DNAH17: variants seen among roughly 807,000 people sequenced by gnomAD.
DNAH17 encodes dynein axonemal heavy chain 17.
Under a neutral mutation model 485.6 loss-of-function variants are expected in DNAH17, and 376 were observed. That is an observed-to-expected ratio of 0.77 (90% CI 0.71 to 0.84). The LOEUF (loss-of-function observed/expected upper bound fraction) is 0.84, where lower values mean the gene tolerates loss of function less well. DNAH17 is among the 40% of genes least tolerant of loss of function. The pLI, the probability that DNAH17 is intolerant of heterozygous loss-of-function variation, is 0.00. For missense variants in DNAH17, 6,370 were observed against 5,839.3 expected (o/e 1.09, Z -2.96); for synonymous variants, 3,031 against 2,405.9 (o/e 1.26, Z -7.60).
intron 80 of DNAH17, 133 bp from the exon 81 acceptor site, chr17:78,424,286 T>G (rs1275338734): frequency 4.2e-6 from 5 of 1,195,710 alleles, no homozygotes; most frequent in Non-Finnish European, 5.7e-6. Flanking sequence ...TCAGGCCAGC[T>G]GCCACGGCTG....
chr17:78,439,458 G>A (rs1025696112), intron 72 of DNAH17, among the ~76,000 whole-genome samples: 1 of 152,046 alleles, frequency 6.6e-6, no homozygotes, highest in Non-Finnish European at 1.5e-5. Context: ...TGGCCCAAGA[G>A]GTGGTCCCCA....
chr17:78,529,270 C>T (rs149527201), intron 22 of DNAH17, among the ~76,000 whole-genome samples: 1 of 152,194 alleles, frequency 6.6e-6, no homozygotes, highest in African/African-American at 2.4e-5. Context: ...GAGCACTGGC[C>T]TCACCGTGGA....
chr17:78,506,524 G>C (rs368477707), intron 30 of DNAH17, among the ~76,000 whole-genome samples, 196 bp downstream of exon 30: 4 of 152,202 alleles, frequency 2.6e-5, no homozygotes, highest in African/African-American at 9.7e-5. Flanking sequence ...TGCAGAGCAG[G>C]ATGTGAGGCG....
chr17:78,475,480 C>A lies in DNAH17; in HGVS notation c.8320-11G>T, dbSNP rs369785584. The stretch of plus-strand genomic sequence containing the variant: ...GTCCTCAAACAGCACCTGCAGAAAC[C>A]GGAGAGATCCCACAACATCTTGTAG... On this transcript the variant is annotated splice_polypyrimidine_tract_variant and intron_variant, in intron 53 of 80. Coordinates refer to ENST00000389840, the MANE Select transcript of DNAH17 (RefSeq NM_173628.4). The A allele has an allele frequency of 6.2e-7, 1 of 1,613,450 alleles. No homozygotes were observed. Among genetic ancestry groups the A allele is most frequent in the Non-Finnish European group, 8.5e-7 (1 of 1,179,852 alleles).
At chr17:78,576,300 G>A (rs1045889366) in intron 1 of DNAH17, among the ~76,000 whole-genome samples, 5 of 151,938 alleles carry the variant, frequency 3.3e-5, no homozygotes, top group Admixed American at 3.3e-4. Context: ...ATGATGGGAA[G>A]CAGTAGTGGA....
chr17:78,519,664 C>G (rs1044269370), intron 25 of DNAH17, among the ~76,000 whole-genome samples: 1 of 152,210 alleles, frequency 6.6e-6, no homozygotes, highest in African/African-American at 2.4e-5. Flanking sequence ...CAACTTTATG[C>G]TTGCTTGAAT....
intron 42 of DNAH17, among the ~76,000 whole-genome samples, 186 bp downstream of exon 42, chr17:78,492,447 C>G (rs536765643): frequency 1.3e-5 from 2 of 152,172 alleles, no homozygotes; most frequent in Non-Finnish European, 2.9e-5. Flanking sequence ...TCCCCCAGCC[C>G]GGGTGCTACG....
chr17:78,425,276 A>C, intron 80 of DNAH17, 70 bp downstream of exon 80: 1 of 1,431,900 alleles, frequency 7.0e-7, no homozygotes, highest in Non-Finnish European at 9.6e-7. Context: ...GCCAAGAGCT[A>C]GTTTTATCTT....
intron 9 of DNAH17, 85 bp from the exon 10 acceptor site, chr17:78,567,251 G>A: frequency 6.8e-7 from 1 of 1,462,558 alleles, no homozygotes; most frequent in Middle Eastern, 1.7e-4. Flanking sequence ...ACCCCAGGCA[G>A]GAGGAGCTGG....
intron 38 of DNAH17, 136 bp downstream of exon 38, chr17:78,495,739 T>C (rs1416674805): frequency 1.9e-6 from 2 of 1,076,446 alleles, no homozygotes; most frequent in Non-Finnish European, 2.6e-6. Flanking sequence ...TGCCCGGCCA[T>C]CTTGGGAGCT....
intron 52 of DNAH17, among the ~76,000 whole-genome samples, chr17:78,476,220 CGG>C (rs2089009736): frequency 2.3e-5 from 3 of 129,214 alleles, no homozygotes; most frequent in Admixed American, 7.7e-5. Flanking sequence ...AGCCACGTGC[CGG>C]AGTTATCGCG....
chr17:78,490,746 G>A lies in DNAH17; in HGVS notation c.6771C>T (p.Ser2257=), dbSNP rs374334219. ...HLRTATPATV[S]RAGILYINPA... is the part of the protein sequence containing the mutation. The stretch of plus-strand genomic sequence containing the variant: ...GGTTGATGTAGAGGATGCCGGCTCT[G>A]GAAACGGTGGCTGGGGTGGCCGTCC... Residue 2257 remains serine, a synonymous_variant, in exon 44 of 81, where the codon TCC becomes TCT. Transcript: ENST00000389840. The A allele has an allele frequency of 8.1e-6, 13 of 1,606,988 alleles. No homozygotes were observed. The African/African-American group carries it at 1.2e-4, about 15-fold the overall frequency.
chr17:78,569,123 G>T (rs2092312838), intron 9 of DNAH17, 43 bp downstream of exon 9: 1 of 1,482,634 alleles, frequency 6.7e-7, no homozygotes, highest in Non-Finnish European at 9.3e-7. Flanking sequence ...GGTAGGAGCA[G>T]TCTGGGAAGT....
intron 77 of DNAH17, among the ~76,000 whole-genome samples, chr17:78,427,353 G>A (rs78653372): frequency 0.021 from 3,222 of 152,328 alleles, 117 homozygotes; most frequent in African/African-American, 0.073. Flanking sequence ...GGCCATGAGC[G>A]CATCAGGCCA....
chr17:78,462,526 G>A (rs1320290121), intron 57 of DNAH17, among the ~76,000 whole-genome samples: 2 of 152,158 alleles, frequency 1.3e-5, no homozygotes, highest in Non-Finnish European at 2.9e-5. Flanking sequence ...ATTTACGAAT[G>A]AACAAATGCA....
At chr17:78,543,289 T>G (rs1309139532) in intron 17 of DNAH17, among the ~76,000 whole-genome samples, 1 of 62,200 alleles carries the variant, frequency 1.6e-5, no homozygotes, top group African/African-American at 8.1e-5. Context: ...TAATTTTTGT[T>G]TTTTTTTTTT....
intron 16 of DNAH17, among the ~76,000 whole-genome samples, chr17:78,548,371 A>C (rs1045095251): frequency 4.0e-5 from 6 of 151,822 alleles, no homozygotes; most frequent in African/African-American, 1.2e-4. Context: ...CACCTGGCTA[A>C]TTTTTTGTAT....
At chr17:78,425,756 CTTTTTTTT>C (rs71160294) in intron 79 of DNAH17, among the ~76,000 whole-genome samples, 185 bp from the exon 80 acceptor site, 17 of 120,744 alleles carry the variant, frequency 1.4e-4, no homozygotes, top group African/African-American at 3.4e-4. Flanking sequence ...TTGGTGTCTG[CTTTTTTTT>C]TTTTTTTTTT....
intron 13 of DNAH17, among the ~76,000 whole-genome samples, 198 bp from the exon 14 acceptor site, chr17:78,558,452 A>G (rs895105729): frequency 8.8e-6 from 1 of 113,158 alleles, no homozygotes; most frequent in Non-Finnish European, 1.9e-5. Flanking sequence ...AAGCACTGAC[A>G]TCACCCTCAT....
Sources: allele counts gnomAD v4.1 joint callset (sites outside exome capture counted in the v4.1 genomes callset), GRCh38; gene constraint gnomAD v4.1.1; transcripts MANE v1.5; gene names NCBI Gene and HGNC (gene_info 2026-07-23, HGNC 2026-07-21).